The following PCDH9 variants were observed in gnomAD, a reference collection of about 807,000 sequenced individuals.
PCDH9 encodes the protein protocadherin-9.
A neutral mutation model predicts 70.6 loss-of-function variants in PCDH9; 24 were observed. That is an observed-to-expected ratio of 0.34 (90% CI 0.25 to 0.48). The LOEUF is 0.48. Among genes scored for constraint, PCDH9 ranks in the 20% least tolerant of loss-of-function variants. PCDH9 has a pLI of 0.99. For synonymous variants in PCDH9, 562 were observed against 558.5 expected, an observed-to-expected ratio of 1.01 and a Z score of -0.09; for missense variants, 1,281 against 1,503.6, an observed-to-expected ratio of 0.85 and a Z score of 2.45.
rs557691869 is a variant in PCDH9 at position 66,678,527 on chromosome 13, C to G, written c.3139-47116G>C. ...ATAGTATGTATTATCTTATACAATA[C>G]CTATTTTACAGAATTGGAAGCCAAG... On this transcript the variant is annotated intron_variant, in intron 3 of 4. Transcript: ENST00000377865. Among the ~76,000 whole-genome samples, 7 of 151,990 alleles carry G rather than the reference C, an allele frequency of 4.6e-5. No individual in the cohort carries two copies. The South Asian group carries it at 1.5e-3, about 32-fold the overall frequency.
At chr13:67,011,367 G>T (rs2084449072) in intron 2 of PCDH9, among the ~76,000 whole-genome samples, 2 of 151,750 alleles carry the variant, frequency 1.3e-5, no homozygotes, top group Admixed American at 6.6e-5. Context: ...TTTACCAACT[G>T]CATATCATGA....
chr13:66,882,335 T>A (rs1236416016), intron 3 of PCDH9, among the ~76,000 whole-genome samples: 1 of 152,154 alleles, frequency 6.6e-6, no homozygotes, highest in Non-Finnish European at 1.5e-5. Context: ...GAATCCTGCC[T>A]CTTCCTCTCC....
chr13:66,998,010 AT>A (rs1350237647), intron 2 of PCDH9, among the ~76,000 whole-genome samples: 1 of 152,216 alleles, frequency 6.6e-6, no homozygotes, highest in African/African-American at 2.4e-5. Context: ...TCACAATGCA[AT>A]CATAAAGATA....
At chr13:66,406,136 A>G (rs1407743442) in intron 4 of PCDH9, among the ~76,000 whole-genome samples, 1 of 152,150 alleles carries the variant, frequency 6.6e-6, no homozygotes, top group African/African-American at 2.4e-5. Flanking sequence ...AGAGGAAAAA[A>G]GAGAAGGGCT....
At chr13:66,403,803 C>T (rs1015559039) in intron 4 of PCDH9, among the ~76,000 whole-genome samples, 3 of 152,136 alleles carry the variant, frequency 2.0e-5, no homozygotes, top group Non-Finnish European at 2.9e-5. Flanking sequence ...GAATGCCTTA[C>T]TATTATTGTG....
At chr13:66,309,110 G>T (rs12854808) in intron 4 of PCDH9, among the ~76,000 whole-genome samples, 19,720 of 151,844 alleles carry the variant, frequency 0.13, 1,644 homozygotes, top group South Asian at 0.2. Flanking sequence ...TTTATTTTGG[G>T]ACATGACATT....
intron 3 of PCDH9, among the ~76,000 whole-genome samples, chr13:66,809,316 T>C (rs1298570920): frequency 2.0e-5 from 3 of 152,154 alleles, no homozygotes; most frequent in African/African-American, 7.2e-5. Context: ...ATACAATATA[T>C]TGAATATGTC....
intron 2 of PCDH9, among the ~76,000 whole-genome samples, chr13:67,104,585 G>A (rs2086498160): frequency 6.6e-6 from 1 of 150,446 alleles, no homozygotes; most frequent in Non-Finnish European, 1.5e-5. Context: ...GTCTCGCTCT[G>A]TCGCCCAGGC....
intron 4 of PCDH9, among the ~76,000 whole-genome samples, chr13:66,429,428 C>CG (rs1555292582): frequency 4.7e-4 from 6 of 12,696 alleles, no homozygotes; most frequent in Non-Finnish European, 9.5e-4. Flanking sequence ...GTTATTTTTT[C>CG]TGTTTTTTTT....
chr13:67,062,190 CCAAA>C (rs1397541672), intron 2 of PCDH9, among the ~76,000 whole-genome samples: 1 of 151,904 alleles, frequency 6.6e-6, no homozygotes, highest in African/African-American at 2.4e-5. Flanking sequence ...TTTTATTTGC[CCAAA>C]CAGATAGTGA....
intron 3 of PCDH9, among the ~76,000 whole-genome samples, chr13:66,742,123 T>C (rs2079274947): frequency 1.9e-5 from 1 of 51,498 alleles, no homozygotes; most frequent in Non-Finnish European, 3.7e-5. Flanking sequence ...CAAAACAGCA[T>C]GGTACTGGTA....
At chr13:66,488,480 T>A (rs563799371) in intron 4 of PCDH9, among the ~76,000 whole-genome samples, 2 of 152,146 alleles carry the variant, frequency 1.3e-5, no homozygotes, top group African/African-American at 2.4e-5. Flanking sequence ...TAAAAAGTGA[T>A]AAATCGTGAA....
chr13:66,659,150 T>A (rs2077972167), intron 3 of PCDH9, among the ~76,000 whole-genome samples: 1 of 152,098 alleles, frequency 6.6e-6, no homozygotes, highest in African/African-American at 2.4e-5. Flanking sequence ...ATGATAATAA[T>A]AACAAAAATA....
chr13:66,524,897 T>A (rs1960146889), intron 4 of PCDH9, among the ~76,000 whole-genome samples: 1 of 152,082 alleles, frequency 6.6e-6, no homozygotes, highest in African/African-American at 2.4e-5. Flanking sequence ...ATAATAGCCA[T>A]CTTTGCTCCT....
intron 4 of PCDH9, among the ~76,000 whole-genome samples, chr13:66,449,006 G>A (rs961279249): frequency 1.3e-5 from 2 of 152,142 alleles, no homozygotes; most frequent in Non-Finnish European, 2.9e-5. Context: ...GAAGTGAGAA[G>A]CCTTTGATAT....
Position 67,227,643 on chromosome 13 carries a change from G to A in PCDH9, c.798C>T (p.Pro266=), listed in dbSNP as rs143472326. ...GGAGCTGAATTACAGAGGTACCTAC[G>A]GGAGCATTCTCTGGAATATGCACCT... is the stretch of plus-strand genomic sequence containing the variant. ...QVEVHIPENA[P]VGTSVIQLHA... The change falls in exon 2 of 5, where the codon CCC becomes CCT. Residue 266 remains proline (P), a synonymous_variant. Coordinates refer to ENST00000377865, the MANE Select transcript of PCDH9 (RefSeq NM_203487.3). The surrounding 1 kb of genome is among the most constrained non-coding windows in gnomAD (Gnocchi z 4.6). 8.1e-6 allele frequency: 13 copies of A among 1,612,432 alleles called. No individual in the cohort carries two copies. The highest frequency in any genetic ancestry group is 2.7e-5 in the African/African-American group (2 of 74,990).
intron 4 of PCDH9, among the ~76,000 whole-genome samples, chr13:66,477,771 G>A (rs922363738): frequency 6.6e-6 from 1 of 152,150 alleles, no homozygotes; most frequent in Non-Finnish European, 1.5e-5. Flanking sequence ...ACAGGGATTA[G>A]CTTCAAGAAA....
chr13:66,918,418 G>C (rs1049516521), intron 2 of PCDH9, among the ~76,000 whole-genome samples: 2 of 151,186 alleles, frequency 1.3e-5, no homozygotes, highest in Non-Finnish European at 3.0e-5. Context: ...TTTTATAATT[G>C]TAACATTATA....
intron 4 of PCDH9, among the ~76,000 whole-genome samples, chr13:66,629,682 T>C (rs1009723341): frequency 1.3e-5 from 2 of 152,128 alleles, no homozygotes; most frequent in Non-Finnish European, 2.9e-5. Flanking sequence ...GTATAGGACA[T>C]GAAATAACAA....
Sources: gnomAD v4.1 joint callset for allele counts (sites outside exome capture counted in the v4.1 genomes callset) on GRCh38, gnomAD v4.1.1 for gene constraint, Gnocchi (gnomAD v3.1) non-coding constraint, MANE v1.5 for transcripts, NCBI Gene and HGNC (gene_info 2026-07-23, HGNC 2026-07-21) for gene names.